Variants in PTPRD observed in about 807,000 individuals in gnomAD.
PTPRD encodes protein tyrosine phosphatase receptor type D, also known as receptor-type tyrosine-protein phosphatase delta.
In PTPRD, 34 loss-of-function variants were observed where a neutral mutation model predicts 214.5. That is an observed-to-expected ratio of 0.16 (90% CI 0.12 to 0.21). The LOEUF (loss-of-function observed/expected upper bound fraction) is 0.21, where lower values mean the gene tolerates loss of function less well. PTPRD is among the 10% of genes least tolerant of loss of function. The pLI is 1.00. For synonymous variants in PTPRD, 1,128 were observed against 845.7 expected (o/e 1.33, Z -5.79); for missense variants, 2,545 against 2,398.7 (o/e 1.06, Z -1.27).
At chr9:9,854,582 C>A (rs1377743130) in intron 5 of PTPRD, among the ~76,000 whole-genome samples, 5 of 151,888 alleles carry the variant, frequency 3.3e-5, no homozygotes, top group Admixed American at 3.3e-4. Context: ...ATTTAACTAC[C>A]ACAGATAAAT....
At chr9:9,207,144 GC>G (rs2099945372) in intron 9 of PTPRD, among the ~76,000 whole-genome samples, 1 of 152,180 alleles carries the variant, frequency 6.6e-6, no homozygotes, top group Non-Finnish European at 1.5e-5. Context: ...TGACTCTTAA[GC>G]TTTTTGGTCT....
chr9:8,737,055 TG>T (rs2090616991), intron 11 of PTPRD, among the ~76,000 whole-genome samples: 1 of 152,176 alleles, frequency 6.6e-6, no homozygotes, highest in Non-Finnish European at 1.5e-5. Flanking sequence ...AATGACTCCG[TG>T]TGATCACAGA....
intron 35 of PTPRD, among the ~76,000 whole-genome samples, chr9:8,415,476 T>C (rs1328425486): frequency 6.6e-6 from 1 of 152,158 alleles, no homozygotes; most frequent in Non-Finnish European, 1.5e-5. Context: ...ACCTATAATA[T>C]TTTATAATAT....
chr9:9,343,743 C>A (rs1025635740), intron 9 of PTPRD, among the ~76,000 whole-genome samples: 1 of 151,018 alleles, frequency 6.6e-6, no homozygotes, highest in Non-Finnish European at 1.5e-5. Flanking sequence ...TTGAGGACTT[C>A]AGGTCTATTT....
chr9:9,911,041 G>C (rs1282973995), intron 5 of PTPRD, among the ~76,000 whole-genome samples: 5 of 151,902 alleles, frequency 3.3e-5, no homozygotes, highest in Non-Finnish European at 4.4e-5. Flanking sequence ...CCTTACAGTT[G>C]ATAGTTTGTT....
At chr9:9,509,037 GA>G (rs371258610) in intron 8 of PTPRD, among the ~76,000 whole-genome samples, 4,917 of 149,836 alleles carry the variant, frequency 0.033, 109 homozygotes, top group South Asian at 0.052. Context: ...ACCTTTCCAA[GA>G]AAAAAAAATC....
intron 8 of PTPRD, among the ~76,000 whole-genome samples, chr9:9,449,909 A>C (rs140804386): frequency 1.3e-3 from 202 of 151,894 alleles, no homozygotes; most frequent in African/African-American, 3.8e-3. Context: ...CCAAGTCCCC[A>C]AAGTCCGTCA....
At position 9,251,240 on chromosome 9, in the gene PTPRD, T is replaced by C. The variant is rs56162834; in HGVS notation, c.-202-67877A>G. ...AGCCAGGTTGCCTTGCTGAGCATCA[T>C]TGTGAGATTGACTGGCATCTGAATG... On this transcript the variant is annotated intron_variant, in intron 9 of 45. Coordinates refer to ENST00000381196, the MANE Select transcript of PTPRD (RefSeq NM_002839.4). Among the ~76,000 whole-genome samples, 292 of 152,136 alleles carry C rather than the reference T, an allele frequency of 1.9e-3. 2 individuals are homozygous for C. Among genetic ancestry groups the C allele is most frequent in the African/African-American group, 6.7e-3 (280 of 41,544 alleles).
chr9:9,289,198 AAACT>A (rs1433087285), intron 9 of PTPRD, among the ~76,000 whole-genome samples: 1 of 151,850 alleles, frequency 6.6e-6, no homozygotes. Flanking sequence ...TTTATTAATT[AAACT>A]AACACCATCC....
chr9:9,746,776 T>C (rs1407430917), intron 6 of PTPRD, among the ~76,000 whole-genome samples: 2 of 151,632 alleles, frequency 1.3e-5, no homozygotes, highest in Non-Finnish European at 2.9e-5. Flanking sequence ...CACAGTTTTT[T>C]ACTTCAGGGT....
At chr9:8,686,308 G>C (rs530198262) in intron 12 of PTPRD, among the ~76,000 whole-genome samples, 1 of 152,248 alleles carries the variant, frequency 6.6e-6, no homozygotes, top group East Asian at 1.9e-4. Flanking sequence ...ATTCAGATTT[G>C]AACACAGCTA....
chr9:9,631,775 C>T (rs577724366), intron 7 of PTPRD, among the ~76,000 whole-genome samples: 5 of 152,142 alleles, frequency 3.3e-5, no homozygotes, highest in Non-Finnish European at 4.4e-5. Context: ...CGTTATCCTA[C>T]GATGGAAAAA....
chr9:10,368,596 A>G (rs7034193), intron 2 of PTPRD, among the ~76,000 whole-genome samples: 121,443 of 151,950 alleles, frequency 0.8, 49,226 homozygotes, highest in African/African-American at 0.83. Flanking sequence ...AGAATACAGA[A>G]CATTGTAATT....
intron 14 of PTPRD, among the ~76,000 whole-genome samples, chr9:8,559,187 T>A (rs2141171026): frequency 6.6e-6 from 1 of 152,326 alleles, no homozygotes; most frequent in African/African-American, 2.4e-5. Flanking sequence ...GTTCTAGCAT[T>A]CAATAGTACA....
intron 3 of PTPRD, among the ~76,000 whole-genome samples, chr9:10,291,377 A>T (rs546389005): frequency 6.6e-6 from 1 of 152,158 alleles, no homozygotes; most frequent in African/African-American, 2.4e-5. Flanking sequence ...GAATGTTTGA[A>T]TGTTGCCTTA....
intron 11 of PTPRD, among the ~76,000 whole-genome samples, chr9:8,847,520 T>C (rs1373535640): frequency 6.6e-6 from 1 of 152,180 alleles, no homozygotes; most frequent in Non-Finnish European, 1.5e-5. Context: ...GACTTAATTG[T>C]TCAGATATCA....
intron 10 of PTPRD, among the ~76,000 whole-genome samples, chr9:9,087,884 T>TC (rs1271396913): frequency 7.7e-6 from 1 of 130,448 alleles, no homozygotes; most frequent in African/African-American, 2.9e-5. Flanking sequence ...AACTCTTTTT[T>TC]TTTTTTTTTT....
chr9:8,878,117 A>G (rs1401731777), intron 11 of PTPRD, among the ~76,000 whole-genome samples: 1 of 152,220 alleles, frequency 6.6e-6, no homozygotes, highest in Non-Finnish European at 1.5e-5. Flanking sequence ...GGAAGATAAT[A>G]GTTTACATTG....
intron 3 of PTPRD, among the ~76,000 whole-genome samples, chr9:10,332,954 T>C (rs2096778184): frequency 6.6e-6 from 1 of 151,898 alleles, no homozygotes; most frequent in Non-Finnish European, 1.5e-5. Context: ...GTATATAACG[T>C]AATGTTTGTT....
Sources: gnomAD v4.1 joint callset for allele counts (sites outside exome capture counted in the v4.1 genomes callset) on GRCh38, gnomAD v4.1.1 for gene constraint, MANE v1.5 for transcripts, NCBI Gene and HGNC (gene_info 2026-07-23, HGNC 2026-07-21) for gene names.